Variants in PARN observed in about 807,000 individuals in gnomAD.
PARN encodes the protein poly(A)-specific ribonuclease PARN.
PARN carries 71 observed loss-of-function variants against 102.8 expected under a neutral mutation model. The ratio of observed to expected loss-of-function variants is 0.69; its 90% CI spans 0.57 to 0.84. PARN has a LOEUF of 0.84. PARN is among the 40% of genes least tolerant of loss of function. The pLI is 0.00. For synonymous variants in PARN, 261 were observed against 252.9 expected, an observed-to-expected ratio of 1.03 and a Z score of -0.30; for missense variants, 782 against 760.9, an observed-to-expected ratio of 1.03 and a Z score of -0.33.
intron 22 of PARN, among the ~76,000 whole-genome samples, chr16:14,480,924 G>A (rs1963343380): frequency 6.6e-6 from 1 of 151,014 alleles, no homozygotes; most frequent in Admixed American, 6.6e-5. Context: ...GGGAAAAAGA[G>A]CAAGACCTGC....
intron 6 of PARN, among the ~76,000 whole-genome samples, chr16:14,617,212 G>A (rs1419434357): frequency 1.3e-5 from 2 of 151,030 alleles, no homozygotes; most frequent in Non-Finnish European, 3.0e-5. Context: ...GTGAAACCCT[G>A]TCTCTACTAA....
intron 2 of PARN, 114 bp from the exon 3 acceptor site, chr16:14,628,365 G>A (rs1972807231): frequency 3.1e-6 from 2 of 642,090 alleles, no homozygotes; most frequent in African/African-American, 3.7e-5. Context: ...TTACTTGGAA[G>A]CACTCCCTAA....
chr16:14,447,199 G>C (rs906078864), intron 22 of PARN, 118 bp from the exon 23 acceptor site: 2 of 567,216 alleles, frequency 3.5e-6, no homozygotes, highest in African/African-American at 3.9e-5. Context: ...CAACAACATG[G>C]GCAGCTGCTG....
intron 22 of PARN, among the ~76,000 whole-genome samples, chr16:14,458,635 C>T (rs1419348134): frequency 6.6e-6 from 1 of 152,068 alleles, no homozygotes; most frequent in Non-Finnish European, 1.5e-5. Flanking sequence ...GAGTGCTCTA[C>T]AAAAGGCAGA....
At chr16:14,534,687 AGT>A (rs1419389635) in intron 21 of PARN, among the ~76,000 whole-genome samples, 1 of 151,964 alleles carries the variant, frequency 6.6e-6, no homozygotes, top group Non-Finnish European at 1.5e-5. Context: ...ACATAGGAGG[AGT>A]AGCAGCTGCT....
At chr16:14,578,318 G>T (rs1969282119) in intron 18 of PARN, among the ~76,000 whole-genome samples, 1 of 92,172 alleles carries the variant, frequency 1.1e-5, no homozygotes, top group South Asian at 4.3e-4. Flanking sequence ...GACAGAGTGA[G>T]ACTCTGTCTC....
intron 9 of PARN, chr16:14,608,055 T>C (rs1194173553): frequency 5.5e-6 from 3 of 549,466 alleles, no homozygotes; most frequent in Admixed American, 3.7e-5. Context: ...GCTTAACAGA[T>C]GCACCAAAGT....
chr16:14,546,685 G>A (rs1422166299), intron 21 of PARN, among the ~76,000 whole-genome samples: 3 of 152,204 alleles, frequency 2.0e-5, no homozygotes, highest in Non-Finnish European at 4.4e-5. Flanking sequence ...TCTAAATATT[G>A]AGAGTATGGC....
chr16:14,598,902 C>T (rs1970699230), intron 12 of PARN, among the ~76,000 whole-genome samples: 1 of 152,058 alleles, frequency 6.6e-6, no homozygotes, highest in Non-Finnish European at 1.5e-5. Context: ...ATTCCTTCTC[C>T]CAGGCCAACT....
At chr16:14,436,889 T>C in intron 23 of PARN, 117 bp from the exon 24 acceptor site, 3 of 747,468 alleles carry the variant, frequency 4.0e-6, no homozygotes, top group Non-Finnish European at 4.6e-6. Context: ...GGGGCCAGCG[T>C]CTGGCTAAAC....
At chr16:14,582,368 A>G in intron 16 of PARN, 77 bp from the exon 17 acceptor site, 4 of 901,348 alleles carry the variant, frequency 4.4e-6, no homozygotes, top group Non-Finnish European at 7.5e-6. Context: ...AAATTGCATT[A>G]GCATATGCTA....
chr16:14,470,542 C>T (rs1567300911), intron 22 of PARN, among the ~76,000 whole-genome samples: 2 of 151,724 alleles, frequency 1.3e-5, no homozygotes, highest in African/African-American at 2.4e-5. Context: ...ACTGCAGCCT[C>T]GACTTCCTCA....
At chr16:14,470,596 C>A (rs1962676871) in intron 22 of PARN, among the ~76,000 whole-genome samples, 1 of 147,340 alleles carries the variant, frequency 6.8e-6, no homozygotes, top group South Asian at 2.2e-4. Context: ...ACAGCTGGGA[C>A]TACAGGGGCA....
chr16:14,534,310 T>C (rs925145625), intron 21 of PARN, among the ~76,000 whole-genome samples: 5 of 151,764 alleles, frequency 3.3e-5, no homozygotes, highest in Non-Finnish European at 7.4e-5. Context: ...GCAAAATACC[T>C]TCCTAATTAT....
chr16:14,593,053 T>C (rs942636127), intron 13 of PARN, among the ~76,000 whole-genome samples: 2 of 152,050 alleles, frequency 1.3e-5, no homozygotes, highest in East Asian at 1.9e-4. Flanking sequence ...GGAGACTCGC[T>C]TGAACCCAAG....
intron 5 of PARN, among the ~76,000 whole-genome samples, chr16:14,622,829 C>T (rs1193519528): frequency 1.3e-5 from 2 of 152,222 alleles, no homozygotes; most frequent in Non-Finnish European, 1.5e-5. Context: ...GTAAGCCTGG[C>T]GCAGTGGTAC....
At chr16:14,450,721 T>C (rs1314364799) in intron 22 of PARN, among the ~76,000 whole-genome samples, 1 of 152,258 alleles carries the variant, frequency 6.6e-6, no homozygotes, top group East Asian at 1.9e-4. Flanking sequence ...AATAAGTGGA[T>C]GATTCCAGGC....
Position 14,584,279 on chromosome 16 carries a change from T to C in PARN, c.1081+68A>G, listed in dbSNP as rs1229549173. ...ATACGGTCTCCAGAGCCATTCTGCTTTTCTTCTACAATATACATCAATAAT... is the reference window on the plus strand; with the variant it reads ...ATACGGTCTCCAGAGCCATTCTGCTCTTCTTCTACAATATACATCAATAAT... On this transcript the variant is annotated intron_variant, in intron 16 of 23. Coordinates refer to ENST00000437198, the MANE Select transcript of PARN (RefSeq NM_002582.4). 1.0e-5 allele frequency: 12 copies of C among 1,184,448 alleles called. No individual in the cohort carries two copies. The East Asian group carries it at 1.6e-4, about 16-fold the overall frequency. 73.4% of individuals were successfully genotyped at this position (1,184,448 alleles called of 1,614,324 possible).
chr16:14,626,119 AC>A (rs1043036367), intron 5 of PARN, among the ~76,000 whole-genome samples: 2 of 151,746 alleles, frequency 1.3e-5, no homozygotes, highest in Admixed American at 1.3e-4. Flanking sequence ...TTTTTTTTCT[AC>A]CCCCCTTTCC....
Sources: gnomAD v4.1 joint callset for allele counts (sites outside exome capture counted in the v4.1 genomes callset) on GRCh38, gnomAD v4.1.1 for gene constraint, MANE v1.5 for transcripts, NCBI Gene and HGNC (gene_info 2026-07-23, HGNC 2026-07-21) for gene names.